Variants in EPB41L4A observed in about 807,000 individuals in gnomAD.
EPB41L4A encodes the protein erythrocyte membrane protein band 4.1 like 4A.
EPB41L4A carries 100 observed loss-of-function variants against 108.6 expected under a neutral mutation model. That is an observed-to-expected ratio of 0.92 (90% CI 0.78 to 1.09). The LOEUF (loss-of-function observed/expected upper bound fraction) is 1.09. Ranked by LOEUF, EPB41L4A falls within the 50% of genes least tolerant of loss-of-function variation. The pLI is 0.00. For missense variants in EPB41L4A, 1,030 were observed against 842.7 expected (o/e 1.22, Z -2.75); for synonymous variants, 319 against 289.0 (o/e 1.10, Z -1.05).
intron 1 of EPB41L4A, among the ~76,000 whole-genome samples, chr5:112,366,955 C>T (rs1759157853): frequency 6.6e-6 from 1 of 152,190 alleles, no homozygotes; most frequent in Admixed American, 6.5e-5. Flanking sequence ...TGGAACAGAG[C>T]CATCTCCGCC....
chr5:112,375,572 T>C (rs558242820), intron 1 of EPB41L4A, among the ~76,000 whole-genome samples: 58 of 152,226 alleles, frequency 3.8e-4, no homozygotes, highest in African/African-American at 1.3e-3. Flanking sequence ...GCAGCCATGA[T>C]AAAAAATTCA....
At chr5:112,158,679 C>G (rs1046469207), downstream of EPB41L4A, among the ~76,000 whole-genome samples, 18 of 152,276 alleles carry the variant, frequency 1.2e-4, no homozygotes, top group African/African-American at 4.3e-4. Flanking sequence ...GCAAACACAT[C>G]CTTTTGCACA....
intron 11 of EPB41L4A, among the ~76,000 whole-genome samples, chr5:112,237,360 G>C (rs1195450265): frequency 1.3e-5 from 2 of 152,034 alleles, no homozygotes; most frequent in African/African-American, 4.8e-5. Flanking sequence ...GTAAGCACTA[G>C]TTTTCCCAAA....
chr5:112,250,489 G>A (rs1256994568), intron 9 of EPB41L4A: 4 of 152,064 alleles, frequency 2.6e-5, no homozygotes, highest in Admixed American at 2.6e-4. Flanking sequence ...TTTAATTTTT[G>A]TTTTAATGAT....
intron 15 of EPB41L4A, among the ~76,000 whole-genome samples, chr5:112,201,162 T>C (rs1762201363): frequency 6.6e-6 from 1 of 152,222 alleles, no homozygotes; most frequent in Admixed American, 6.5e-5. Flanking sequence ...GAATGTGCTT[T>C]AGTCCTTTTT....
At chr5:112,253,762 G>C (rs1301460327) in intron 9 of EPB41L4A, among the ~76,000 whole-genome samples, 2 of 152,176 alleles carry the variant, frequency 1.3e-5, no homozygotes, top group East Asian at 3.8e-4. Context: ...TTAACCATAA[G>C]TGACTCTAGG....
Position 112,292,399 on chromosome 5 carries a change from G to A in EPB41L4A, c.205-12076C>T, listed in dbSNP as rs538572830. 2.0e-5 allele frequency among the ~76,000 whole-genome samples: 3 copies of A among 152,204 alleles called. No homozygotes were observed. The East Asian group carries it at 5.8e-4, about 29-fold the overall frequency. ...TGGGTATCATGAAAGAATAAACTAA[G>A]CTCCTACAGATCATCAGCTTTTAAA... is the stretch of plus-strand genomic sequence containing the variant. On this transcript the variant is annotated intron_variant, in intron 2 of 22. Transcript: ENST00000261486.
intron 1 of EPB41L4A, among the ~76,000 whole-genome samples, chr5:112,325,867 C>T (rs1354744636): frequency 2.6e-5 from 4 of 152,178 alleles, no homozygotes; most frequent in Admixed American, 6.5e-5. Context: ...AACTACAGGA[C>T]GGGCACAGTG....
chr5:112,295,467 C>A (rs553028202), intron 2 of EPB41L4A, among the ~76,000 whole-genome samples: 1 of 152,268 alleles, frequency 6.6e-6, no homozygotes, highest in Non-Finnish European at 1.5e-5. Flanking sequence ...AAAGAATAAG[C>A]CCAAGATTAG....
chr5:112,170,033 G>C (rs1204840642), intron 20 of EPB41L4A: 2 of 388,980 alleles, frequency 5.1e-6, no homozygotes, highest in Non-Finnish European at 9.0e-6. Context: ...TCTCAGAAAA[G>C]AATTTATTTT....
intron 4 of EPB41L4A, among the ~76,000 whole-genome samples, chr5:112,274,272 CCT>C (rs1752470053): frequency 6.6e-6 from 1 of 151,942 alleles, no homozygotes; most frequent in Admixed American, 6.6e-5. Context: ...AGAGCGAGAC[CCT>C]GTGTCTTAAA....
chr5:112,376,740 T>C (rs1164447058), intron 1 of EPB41L4A, among the ~76,000 whole-genome samples: 1 of 152,162 alleles, frequency 6.6e-6, no homozygotes, highest in African/African-American at 2.4e-5. Flanking sequence ...ACCCTGGAAC[T>C]GCTGACACAT....
intron 12 of EPB41L4A, among the ~76,000 whole-genome samples, chr5:112,212,271 G>A (rs540131323): frequency 2.0e-5 from 3 of 151,546 alleles, no homozygotes; most frequent in African/African-American, 7.3e-5. Flanking sequence ...GACAGTAGGT[G>A]TGCCCTACCA....
In EPB41L4A at chr5:112,162,958, C is replaced by T. The variant is rs1760003356; in HGVS notation, c.*2032G>A. The stretch of plus-strand genomic sequence containing the variant: ...TCAGTGCCCTGTTTTAGAACTGAGT[C>T]CTTACTGAGGCTTGTAAGATGGCTA... On this transcript the variant is annotated 3_prime_UTR_variant, in exon 23 of 23. Transcript: ENST00000261486. The T allele has an allele frequency of 6.6e-6, 1 of 152,100 alleles. No individual in the cohort carries two copies. Among genetic ancestry groups the T allele is most frequent in the African/African-American group, 2.4e-5 (1 of 41,402 alleles). The allele number at this position is 152,100 out of a possible 1,614,324, so 9.4% of individuals were successfully genotyped here. A position where few individuals can be genotyped will look rare whatever the true frequency, so the allele number is the denominator to read the frequency against.
chr5:112,390,120 A>G (rs551307769), intron 1 of EPB41L4A, among the ~76,000 whole-genome samples: 2 of 152,350 alleles, frequency 1.3e-5, no homozygotes, highest in East Asian at 3.9e-4. Flanking sequence ...TGCAGCTCCC[A>G]GCGTGATCGA....
At chr5:112,330,352 A>G (rs970115555) in intron 1 of EPB41L4A, among the ~76,000 whole-genome samples, 1 of 152,142 alleles carries the variant, frequency 6.6e-6, no homozygotes, top group Non-Finnish European at 1.5e-5. Flanking sequence ...TCGGTTTTGC[A>G]CTAACCAGGT....
At chr5:112,371,005 C>T (rs1759460977) in intron 1 of EPB41L4A, among the ~76,000 whole-genome samples, 1 of 152,220 alleles carries the variant, frequency 6.6e-6, no homozygotes, top group Non-Finnish European at 1.5e-5. Flanking sequence ...AATAACCTCA[C>T]TCATTCGTGC....
At chr5:112,359,980 G>A (rs2150755788) in intron 1 of EPB41L4A, among the ~76,000 whole-genome samples, 1 of 152,240 alleles carries the variant, frequency 6.6e-6, no homozygotes, top group East Asian at 1.9e-4. Context: ...TTACTGACGT[G>A]TATGTGCTTT....
intron 1 of EPB41L4A, among the ~76,000 whole-genome samples, chr5:112,347,004 T>C (rs761356667): frequency 2.6e-5 from 4 of 152,196 alleles, no homozygotes; most frequent in South Asian, 4.1e-4. Context: ...CAGCCAGCTG[T>C]ATATCTGACC....
Sources: gnomAD v4.1 joint callset for allele counts (sites outside exome capture counted in the v4.1 genomes callset) on GRCh38, gnomAD v4.1.1 for gene constraint, MANE v1.5 for transcripts, NCBI Gene and HGNC (gene_info 2026-07-23, HGNC 2026-07-21) for gene names.